ZNF562: variants seen among roughly 807,000 people sequenced by gnomAD.
The protein encoded by ZNF562 is zinc finger protein 562.
A neutral mutation model predicts 17.5 loss-of-function variants in ZNF562; 13 were observed. The observed-to-expected ratio is 0.74, with a 90% CI of 0.48 to 1.18. ZNF562 has a LOEUF of 1.18. Ranked by LOEUF, ZNF562 falls within the 50% of genes most tolerant of loss-of-function variation. ZNF562 has a pLI of 0.00. For missense variants in ZNF562, 481 were observed against 498.5 expected, an observed-to-expected ratio of 0.96 and a Z score of 0.33; for synonymous variants, 163 against 165.4, an observed-to-expected ratio of 0.99 and a Z score of 0.11.
At chr19:9,662,483 T>C (rs2043788015) in intron 1 of ZNF562, among the ~76,000 whole-genome samples, 1 of 147,918 alleles carries the variant, frequency 6.8e-6, no homozygotes. Flanking sequence ...AATTGCTTGA[T>C]CCCGGGAGGC....
chr19:9,663,357 G>C (rs900672075), intron 1 of ZNF562, among the ~76,000 whole-genome samples: 1 of 149,210 alleles, frequency 6.7e-6, no homozygotes, highest in Non-Finnish European at 1.5e-5. Flanking sequence ...CTTGCAGTAA[G>C]TGAGATTGCG....
chr19:9,655,752 T>C (rs1238921672), intron 5 of ZNF562, among the ~76,000 whole-genome samples: 2 of 100,174 alleles, frequency 2.0e-5, no homozygotes, highest in Admixed American at 2.7e-4. Context: ...TTTTTTTTTT[T>C]AGATGGAGTC....
In ZNF562 at chr19:9,649,068, G is replaced by A. The variant is rs1437809438; in HGVS notation, c.*3881C>T. The A allele has an allele frequency of 1.3e-5, 2 of 152,192 alleles. No homozygotes were observed. Among genetic ancestry groups the A allele is most frequent in the Non-Finnish European group, 2.9e-5 (2 of 68,038 alleles). The allele number at this position is 152,192 out of a possible 1,614,324, so 9.4% of individuals were successfully genotyped here. A position where few individuals can be genotyped will look rare whatever the true frequency, so the allele number is the denominator to read the frequency against. On this transcript the variant is annotated 3_prime_UTR_variant, in exon 6 of 6. Transcript: ENST00000453372. ...ATGGCAGAAAAACATGGATTGTGAA[G>A]GTTTCATGGACATTTATTAGTTCCC...
chr19:9,658,507 G>A (rs1429844178), intron 3 of ZNF562: 1 of 231,144 alleles, frequency 4.3e-6, no homozygotes, highest in Non-Finnish European at 7.1e-6. Context: ...GCAACATCAC[G>A]CCTGGATAAT....
rs982367714 is a variant in ZNF562, at chr19:9,648,920, C to T, written c.*4029G>A. On this transcript the variant is annotated 3_prime_UTR_variant, in exon 6 of 6. Transcript: ENST00000453372. ...AATAAATTCAAGAGGAATTCAGCCT[C>T]ATAAACTATGAAATATTGGGAAATA... 2 of 152,124 alleles carry T rather than the reference C, an allele frequency of 1.3e-5. No homozygotes were observed. The highest frequency in any genetic ancestry group is 4.8e-5 in the African/African-American group (2 of 41,422). 9.4% of individuals were successfully genotyped at this position (152,124 alleles called of 1,614,324 possible). A position where few individuals can be genotyped will look rare whatever the true frequency, so the allele number is the denominator to read the frequency against.
chr19:9,657,911 A>C, intron 4 of ZNF562, 98 bp downstream of exon 4: 6 of 1,444,222 alleles, frequency 4.2e-6, no homozygotes, highest in Non-Finnish European at 4.6e-6. Flanking sequence ...TGCTAGTATC[A>C]AACTCCCAGG....
chr19:9,650,982 A>AAAAAAAAAAAAAAAAAAAAAAAAAC lies in ZNF562; in HGVS notation c.*1966_*1967insGTTTTTTTTTTTTTTTTTTTTTTTT, dbSNP rs1599260751. The AAAAAAAAAAAAAAAAAAAAAAAAAC allele has an allele frequency of 2.1e-5, 3 of 146,054 alleles. No homozygotes were observed. Among genetic ancestry groups the AAAAAAAAAAAAAAAAAAAAAAAAAC allele is most frequent in the Non-Finnish European group, 3.0e-5 (2 of 66,902 alleles). 9.0% of individuals were successfully genotyped at this position (146,054 alleles called of 1,614,324 possible). A position where few individuals can be genotyped will look rare whatever the true frequency, so the allele number is the denominator to read the frequency against. ...AAAAAAAAAAAAAAAAAAAAAAAAAATCCTGTGTTTTTAACCTCATTGATT... is the reference window on the plus strand; with the variant it reads ...AAAAAAAAAAAAAAAAAAAAAAAAAAAAAAAAAAAAAAAAAAAAAAAAAACTCCTGTGTTTTTAACCTCATTGATT... On this transcript the variant is annotated 3_prime_UTR_variant, in exon 6 of 6. Coordinates refer to ENST00000453372, the MANE Select transcript of ZNF562 (RefSeq NM_001130031.2).
At chr19:9,658,496 T>C in intron 3 of ZNF562, 1 of 242,264 alleles carries the variant, frequency 4.1e-6, no homozygotes, top group South Asian at 1.5e-4. Context: ...ATTACAGGCA[T>C]GCAACATCAC....
In ZNF562 at chr19:9,672,756, T is replaced by C. The variant is rs540154690; in HGVS notation, c.-131+2259A>G. On this transcript the variant is annotated intron_variant, in intron 1 of 5. Coordinates refer to ENST00000453372, the MANE Select transcript of ZNF562 (RefSeq NM_001130031.2). The stretch of plus-strand genomic sequence containing the variant: ...ACCTAAGAACTTCAGATGAAGAGAA[T>C]AGTTGAGTATTATTGCCTTTCTTTT... 2.6e-4 allele frequency among the ~76,000 whole-genome samples: 39 copies of C among 150,786 alleles called. 2 individuals are homozygous for C. The South Asian group carries it at 7.3e-3, about 28-fold the overall frequency.
In ZNF562 at chr19:9,660,751, A is replaced by C. The variant is rs756590515; in HGVS notation, c.-7T>G. 3.1e-6 allele frequency: 5 copies of C among 1,613,482 alleles called. No homozygotes were observed. Among genetic ancestry groups the C allele is most frequent in the Non-Finnish European group, 4.2e-6 (5 of 1,179,728 alleles). On this transcript the variant is annotated 5_prime_UTR_variant, in exon 2 of 6. Coordinates refer to ENST00000453372, the MANE Select transcript of ZNF562 (RefSeq NM_001130031.2). The stretch of plus-strand genomic sequence containing the variant: ...ACATATCAAAGGCTGACATCCTCTG[A>C]AGCTGATGGTGAGATGTGCCTCAAT...
intron 1 of ZNF562, among the ~76,000 whole-genome samples, chr19:9,662,708 C>T (rs1012907823): frequency 6.6e-6 from 1 of 151,720 alleles, no homozygotes; most frequent in Non-Finnish European, 1.5e-5. Flanking sequence ...AATGAAACCC[C>T]GTCTCTACTA....
In ZNF562 at chr19:9,646,685, A is replaced by G. The variant is rs914154235; in HGVS notation, c.*6264T>C. 6.6e-6 allele frequency: 1 copy of G among 152,210 alleles called. No homozygotes were observed. The highest frequency in any genetic ancestry group is 1.9e-4 in the East Asian group (1 of 5,202). 9.4% of individuals were successfully genotyped at this position (152,210 alleles called of 1,614,324 possible). A position where few individuals can be genotyped will look rare whatever the true frequency, so the allele number is the denominator to read the frequency against. ...CAACCAGCAAAAATGAAAAATATAA[A>G]AAGTATAAATTTTTGCTACACATTT... On this transcript the variant is annotated 3_prime_UTR_variant, in exon 6 of 6. Coordinates refer to ENST00000453372, the MANE Select transcript of ZNF562 (RefSeq NM_001130031.2).
In ZNF562 at chr19:9,644,421, T is replaced by G. The variant is rs934617444; in HGVS notation, c.*8528A>C. 4 of 152,102 alleles carry G rather than the reference T, an allele frequency of 2.6e-5. No individual in the cohort carries two copies. Among genetic ancestry groups the G allele is most frequent in the Non-Finnish European group, 5.9e-5 (4 of 68,018 alleles). 9.4% of individuals were successfully genotyped at this position (152,102 alleles called of 1,614,324 possible). Reference sequence around the variant, plus strand: ...GCCTGGGCAATGGAGTGAGATACCTTCTCTACCAAAATAAAAAAGTGTGAG... The same window carrying G: ...GCCTGGGCAATGGAGTGAGATACCTGCTCTACCAAAATAAAAAAGTGTGAG... On this transcript the variant is annotated 3_prime_UTR_variant, in exon 6 of 6. Coordinates refer to ENST00000453372, the MANE Select transcript of ZNF562 (RefSeq NM_001130031.2).
In ZNF562 at chr19:9,660,773, C is replaced by T; in HGVS notation, c.-29G>A. The T allele has an allele frequency of 2.5e-6, 4 of 1,612,640 alleles. No homozygotes were observed. The highest frequency in any genetic ancestry group is 3.4e-6 in the Non-Finnish European group (4 of 1,179,220). ...CTGAAGCTGATGGTGAGATGTGCCT[C>T]AATGCTGTCTTTCTTGATGCCAAGA... is the stretch of plus-strand genomic sequence containing the variant. On this transcript the variant is annotated 5_prime_UTR_variant, in exon 2 of 6. Coordinates refer to ENST00000453372, the MANE Select transcript of ZNF562 (RefSeq NM_001130031.2).
chr19:9,643,921 C>G lies in ZNF562; in HGVS notation c.*9028G>C, dbSNP rs1035108981. Reference sequence around the variant, plus strand: ...ACTGTAACCTCCTGCCTCAGCCTCCCGAGTAGCTAGGAATACATGCACATG... The same window carrying G: ...ACTGTAACCTCCTGCCTCAGCCTCCGGAGTAGCTAGGAATACATGCACATG... On this transcript the variant is annotated 3_prime_UTR_variant, in exon 6 of 6. Transcript: ENST00000453372. The G allele has an allele frequency of 1.3e-5, 2 of 151,880 alleles. No homozygotes were observed. Among genetic ancestry groups the G allele is most frequent in the Non-Finnish European group, 2.9e-5 (2 of 67,976 alleles). 9.4% of individuals were successfully genotyped at this position (151,880 alleles called of 1,614,324 possible).
At chr19:9,655,725 T>C (rs1490221041) in intron 5 of ZNF562, among the ~76,000 whole-genome samples, 20 of 59,042 alleles carry the variant, frequency 3.4e-4, no homozygotes, top group East Asian at 3.1e-3. Context: ...TTCTTTTTTT[T>C]TTTTTTTTTT....
rs59673910 is a variant in ZNF562 at position 9,647,085 on chromosome 19, CTTT to C, written c.*5861_*5863del. ...GAAGCACCGTGCCCAACCTAGTTGTCTTTTTTTTTTTTTTTGAGACGGATTCTC... is the reference window on the plus strand; with the variant it reads ...GAAGCACCGTGCCCAACCTAGTTGTCTTTTTTTTTTTTGAGACGGATTCTC... On this transcript the variant is annotated 3_prime_UTR_variant, in exon 6 of 6. Coordinates refer to ENST00000453372, the MANE Select transcript of ZNF562 (RefSeq NM_001130031.2). The C allele has an allele frequency of 7.1e-5, 9 of 126,716 alleles. No individual in the cohort carries two copies. Among genetic ancestry groups the C allele is most frequent in the East Asian group, 2.4e-4 (1 of 4,138 alleles). 7.8% of individuals were successfully genotyped at this position (126,716 alleles called of 1,614,324 possible). A position where few individuals can be genotyped will look rare whatever the true frequency, so the allele number is the denominator to read the frequency against.
At chr19:9,669,705 T>C (rs1307564508) in intron 1 of ZNF562, among the ~76,000 whole-genome samples, 1 of 102,998 alleles carries the variant, frequency 9.7e-6, no homozygotes. Flanking sequence ...CCTGTCTGCA[T>C]GCACGCGCGC....
chr19:9,651,044 G>C lies in ZNF562; in HGVS notation c.*1905C>G, dbSNP rs569103478. On this transcript the variant is annotated 3_prime_UTR_variant, in exon 6 of 6. Coordinates refer to ENST00000453372, the MANE Select transcript of ZNF562 (RefSeq NM_001130031.2). ...TAATTTCTAAGCCATTTGGTCTGCG[G>C]TATTCTCTTATGGTTGTCTGAGCTG... 6.6e-6 allele frequency: 1 copy of C among 151,482 alleles called. No individual in the cohort carries two copies. The highest frequency in any genetic ancestry group is 1.9e-4 in the East Asian group (1 of 5,162). The allele number at this position is 151,482 out of a possible 1,614,324, so 9.4% of individuals were successfully genotyped here.
Sources: gnomAD v4.1 joint callset for allele counts (sites outside exome capture counted in the v4.1 genomes callset) on GRCh38, gnomAD v4.1.1 for gene constraint, MANE v1.5 for transcripts, NCBI Gene and HGNC (gene_info 2026-07-23, HGNC 2026-07-21) for gene names.